KIAA0319L: variants seen among roughly 807,000 people sequenced by gnomAD.
KIAA0319L encodes the protein KIAA0319 like.
KIAA0319L carries 55 observed loss-of-function variants against 120.1 expected under a neutral mutation model. The observed-to-expected ratio is 0.46, with a 90% CI of 0.37 to 0.57. The LOEUF is 0.57. Ranked by LOEUF, KIAA0319L falls within the 20% of genes least tolerant of loss-of-function variation. The probability of loss-of-function intolerance (pLI) is 0.00; values close to 1 mark genes in which losing one functional copy is unlikely to be tolerated. For synonymous variants in KIAA0319L, 398 were observed against 471.9 expected (o/e 0.84, Z 2.03); for missense variants, 1,049 against 1,255.3 (o/e 0.84, Z 2.48).
intron 1 of KIAA0319L, chr1:35,554,794 TG>T (rs1647696467): frequency 5.0e-6 from 1 of 198,118 alleles, no homozygotes; most frequent in African/African-American, 2.3e-5. Context: ...ATCACCTATG[TG>T]GTAGAATGGA....
At chr1:35,530,878 G>A (rs1423357196) in intron 2 of KIAA0319L, among the ~76,000 whole-genome samples, 1 of 152,230 alleles carries the variant, frequency 6.6e-6, no homozygotes, top group Non-Finnish European at 1.5e-5. Context: ...AGTGGCATCT[G>A]TGATTTTCTC....
chr1:35,504,121 A>G (rs1645114098), intron 3 of KIAA0319L, among the ~76,000 whole-genome samples: 1 of 151,130 alleles, frequency 6.6e-6, no homozygotes, highest in African/African-American at 2.4e-5. Flanking sequence ...CCTGACCTCA[A>G]TTGATACACC....
At chr1:35,462,510 C>T (rs1570687535) in intron 8 of KIAA0319L, 111 bp downstream of exon 8, 1 of 805,654 alleles carries the variant, frequency 1.2e-6, no homozygotes. Context: ...GTCAAGATGA[C>T]TGGCCTAAAC....
chr1:35,471,738 A>T (rs377360689), intron 5 of KIAA0319L, among the ~76,000 whole-genome samples: 2 of 152,212 alleles, frequency 1.3e-5, no homozygotes, highest in East Asian at 1.9e-4. Context: ...AAAAGTAAAA[A>T]AGAAAAAGGG....
intron 3 of KIAA0319L, among the ~76,000 whole-genome samples, chr1:35,490,264 A>G (rs1644543547): frequency 6.6e-6 from 1 of 152,228 alleles, no homozygotes; most frequent in Non-Finnish European, 1.5e-5. Context: ...AAGTACTAAT[A>G]AAAGTCCTAC....
At chr1:35,496,922 G>A (rs1416158005) in intron 3 of KIAA0319L, among the ~76,000 whole-genome samples, 4 of 126,882 alleles carry the variant, frequency 3.2e-5, no homozygotes, top group Non-Finnish European at 4.6e-5. Context: ...ACTCCAGCCT[G>A]AGCAACAGAG....
At chr1:35,533,828 G>A (rs1026775084) in intron 2 of KIAA0319L, among the ~76,000 whole-genome samples, 1 of 152,066 alleles carries the variant, frequency 6.6e-6, no homozygotes, top group African/African-American at 2.4e-5. Context: ...CCTCCTCAGG[G>A]GGCACCCTCC....
At chr1:35,554,099 T>C (rs1647571725) in intron 2 of KIAA0319L, among the ~76,000 whole-genome samples, 1 of 152,242 alleles carries the variant, frequency 6.6e-6, no homozygotes, top group Non-Finnish European at 1.5e-5. Context: ...AAATACCCAG[T>C]TGACTTTTAT....
intron 2 of KIAA0319L, among the ~76,000 whole-genome samples, chr1:35,535,112 A>G (rs1375133552): frequency 6.7e-6 from 1 of 149,762 alleles, no homozygotes; most frequent in Non-Finnish European, 1.5e-5. Flanking sequence ...AAAAAAAAAA[A>G]AAAAAAAAAA....
Position 35,441,086 on chromosome 1 carries a change from C to A in KIAA0319L, c.2923G>T (p.Asp975Tyr). Residue 975 changes from aspartate to tyrosine, a missense_variant, in exon 20 of 21, where the codon GAT becomes TAT. By Grantham distance (160) the Asp-to-Tyr change is radical. Transcript: ENST00000325722. ...KSKYKILDATDQESLELKPTS... is the reference protein window; with the variant it reads ...KSKYKILDATYQESLELKPTS... ...GGCTTCAGCTCCAGGCTTTCCTGAT[C>A]CGTGGCATCCAGGATCTTGTACTTG... 6.2e-7 allele frequency: 1 copy of A among 1,614,210 alleles called. No individual in the cohort carries two copies. Among genetic ancestry groups the A allele is most frequent in the Non-Finnish European group, 8.5e-7 (1 of 1,180,038 alleles).
chr1:35,503,654 T>C (rs1645091628), intron 3 of KIAA0319L, among the ~76,000 whole-genome samples: 1 of 152,142 alleles, frequency 6.6e-6, no homozygotes, highest in Admixed American at 6.6e-5. Context: ...AATGGTTCTC[T>C]TGCCTGAAAA....
chr1:35,444,390 G>A, intron 16 of KIAA0319L, 87 bp from the exon 17 acceptor site: 2 of 1,289,252 alleles, frequency 1.6e-6, no homozygotes, highest in African/African-American at 1.5e-5. Context: ...TTCTGTTTGT[G>A]ACAGACACTG....
chr1:35,518,806 C>T (rs1645789152), intron 2 of KIAA0319L, among the ~76,000 whole-genome samples: 5 of 151,924 alleles, frequency 3.3e-5, no homozygotes, highest in Admixed American at 2.0e-4. Flanking sequence ...GAGTTTGAGA[C>T]CAGCCTAGCC....
At chr1:35,521,624 A>C (rs1645919100) in intron 2 of KIAA0319L, among the ~76,000 whole-genome samples, 1 of 149,652 alleles carries the variant, frequency 6.7e-6, no homozygotes, top group South Asian at 2.1e-4. Flanking sequence ...ACGGAGAGAG[A>C]CTCCGTCTCA....
chr1:35,481,612 T>G (rs1254928508), intron 3 of KIAA0319L, among the ~76,000 whole-genome samples: 1 of 152,070 alleles, frequency 6.6e-6, no homozygotes, highest in African/African-American at 2.4e-5. Flanking sequence ...TACCCCCCCT[T>G]TTTAAAGCTT....
chr1:35,507,046 C>T lies in KIAA0319L; in HGVS notation c.232G>A (p.Gly78Arg). The change falls in exon 3 of 21, where the codon GGA becomes AGA. Residue 78 changes from glycine (G) to arginine (R), a missense_variant. Transcript: ENST00000325722. ...GGENHLWLLE[G>R]TPSLQSCWAA... ...CAACATGACTGGAGAGAGGGGGTTC[C>T]TTCAAGAAGCCAGAGGTGATTTTCT... 6.3e-7 allele frequency: 1 copy of T among 1,599,776 alleles called. No homozygotes were observed. Among genetic ancestry groups the T allele is most frequent in the South Asian group, 1.1e-5 (1 of 88,656 alleles).
At chr1:35,511,071 T>C (rs955392328) in intron 2 of KIAA0319L, 4 of 152,258 alleles carry the variant, frequency 2.6e-5, no homozygotes, top group African/African-American at 9.7e-5. Context: ...CATCAAAGAT[T>C]TCATACAGGA....
chr1:35,464,700 G>A (rs933818911), intron 7 of KIAA0319L, among the ~76,000 whole-genome samples: 3 of 152,220 alleles, frequency 2.0e-5, no homozygotes, highest in African/African-American at 4.8e-5. Context: ...TAGGGCATGT[G>A]AGAGGGCTTC....
intron 3 of KIAA0319L, among the ~76,000 whole-genome samples, chr1:35,479,946 C>A (rs1309921420): frequency 1.1e-4 from 1 of 9,406 alleles, no homozygotes; most frequent in Non-Finnish European, 2.1e-4. Flanking sequence ...TTATGATGAG[C>A]CAAAAAAAAA....
Sources: gnomAD v4.1 joint callset for allele counts (sites outside exome capture counted in the v4.1 genomes callset) on GRCh38, gnomAD v4.1.1 for gene constraint, MANE v1.5 for transcripts, NCBI Gene and HGNC (gene_info 2026-07-23, HGNC 2026-07-21) for gene names.